Variants in PANX1 observed in about 807,000 individuals in gnomAD.
The protein encoded by PANX1 is pannexin-1.
In PANX1, 30 loss-of-function variants were observed where a neutral mutation model predicts 38.7. That is an observed-to-expected ratio of 0.78 (90% CI 0.58 to 1.05). PANX1 has a LOEUF of 1.05. Ranked by LOEUF, PANX1 falls within the 50% of genes least tolerant of loss-of-function variation. The pLI, the probability that PANX1 is intolerant of heterozygous loss-of-function variation, is 0.00. For synonymous variants in PANX1, 230 were observed against 212.2 expected (o/e 1.08, Z -0.73); for missense variants, 551 against 517.2 (o/e 1.07, Z -0.63).
At chr11:94,170,537 T>C (rs555433958) in intron 2 of PANX1, among the ~76,000 whole-genome samples, 6 of 151,816 alleles carry the variant, frequency 4.0e-5, no homozygotes, top group Non-Finnish European at 8.8e-5. Flanking sequence ...GTCCTCACTT[T>C]GTTTCTTTTG....
At chr11:94,132,316 A>G (rs1946639319) in intron 1 of PANX1, among the ~76,000 whole-genome samples, 1 of 152,220 alleles carries the variant, frequency 6.6e-6, no homozygotes, top group South Asian at 2.1e-4. Flanking sequence ...GAACCTGGGC[A>G]GTGTCAGAAG....
intron 1 of PANX1, 78 bp from the exon 2 acceptor site, chr11:94,153,413 A>C: frequency 6.6e-7 from 1 of 1,519,048 alleles, no homozygotes; most frequent in Admixed American, 1.8e-5. Context: ...ACTTAGACAA[A>C]ACTAAAAACA....
At chr11:94,129,697 C>T (rs1946603626) in intron 1 of PANX1, among the ~76,000 whole-genome samples, 1 of 152,228 alleles carries the variant, frequency 6.6e-6, no homozygotes, top group South Asian at 2.1e-4. Flanking sequence ...GCTCGCATCC[C>T]TACTCCTCAG....
intron 1 of PANX1, among the ~76,000 whole-genome samples, chr11:94,132,602 T>G (rs1321008882): frequency 2.0e-5 from 3 of 151,468 alleles, no homozygotes; most frequent in African/African-American, 7.3e-5. Context: ...GTTGGGGGGG[T>G]GGTGTGTGTG....
At chr11:94,157,120 T>A (rs1946959399) in intron 2 of PANX1, among the ~76,000 whole-genome samples, 1 of 152,180 alleles carries the variant, frequency 6.6e-6, no homozygotes, top group South Asian at 2.1e-4. Flanking sequence ...CTTAATCCAG[T>A]CTATCATTGT....
At chr11:94,133,192 C>T (rs753233023) in intron 1 of PANX1, among the ~76,000 whole-genome samples, 7 of 152,208 alleles carry the variant, frequency 4.6e-5, no homozygotes, top group Non-Finnish European at 5.9e-5. Context: ...GGCCCCTTCC[C>T]TCCCACAGCA....
Position 94,179,674 on chromosome 11 carries a change from T to G in PANX1, c.618T>G (p.Ser206=). The G allele has an allele frequency of 1.2e-6, 2 of 1,613,606 alleles. No homozygotes were observed. Among genetic ancestry groups the G allele is most frequent in the East Asian group, 2.2e-5 (1 of 44,882 alleles). The change falls in exon 4 of 5, where the codon TCT becomes TCG. Residue 206 remains serine, a synonymous_variant. Transcript: ENST00000227638. The stretch of plus-strand genomic sequence containing the variant: ...AGTACTTGAAGACAAAGAAAAATTC[T>G]AATAATTTAATCATCAAGTACATTA... ...VEQYLKTKKN[S]NNLIIKYISC...
At chr11:94,176,438 A>G (rs947628463) in intron 2 of PANX1, among the ~76,000 whole-genome samples, 6 of 151,680 alleles carry the variant, frequency 4.0e-5, no homozygotes, top group African/African-American at 1.5e-4. Flanking sequence ...GGGAAAAACT[A>G]CTACTGTACT....
chr11:94,161,206 G>T (rs1947027659), intron 2 of PANX1, among the ~76,000 whole-genome samples: 3 of 152,074 alleles, frequency 2.0e-5, no homozygotes. Flanking sequence ...ATGTGTCTTG[G>T]AGTTGCTCTT....
At chr11:94,175,018 C>T (rs879793447) in intron 2 of PANX1, among the ~76,000 whole-genome samples, 2 of 151,662 alleles carry the variant, frequency 1.3e-5, no homozygotes, top group South Asian at 2.1e-4. Context: ...AATACTCACT[C>T]GAACATCATG....
chr11:94,159,213 T>C (rs1051169010), intron 2 of PANX1, among the ~76,000 whole-genome samples: 2 of 149,674 alleles, frequency 1.3e-5, no homozygotes, highest in African/African-American at 4.9e-5. Flanking sequence ...AAGTTCTTTT[T>C]TTTTGTTGTT....
At chr11:94,155,680 C>G (rs1479004646) in intron 2 of PANX1, among the ~76,000 whole-genome samples, 3 of 152,124 alleles carry the variant, frequency 2.0e-5, no homozygotes, top group Non-Finnish European at 4.4e-5. Flanking sequence ...GTTGTTCATG[C>G]TGTATCAGGA....
At chr11:94,164,802 G>T (rs1799598162) in intron 2 of PANX1, among the ~76,000 whole-genome samples, 1 of 151,882 alleles carries the variant, frequency 6.6e-6, no homozygotes, top group Admixed American at 6.6e-5. Context: ...TATTATATTG[G>T]GCTTTATCCC....
chr11:94,156,604 G>A (rs531505680), intron 2 of PANX1, among the ~76,000 whole-genome samples: 6 of 152,074 alleles, frequency 3.9e-5, no homozygotes, highest in Non-Finnish European at 7.4e-5. Flanking sequence ...CAGAGATCGG[G>A]GATTACGAGT....
intron 2 of PANX1, among the ~76,000 whole-genome samples, chr11:94,162,871 CT>C (rs59182320): frequency 2.7e-3 from 292 of 107,432 alleles, no homozygotes; most frequent in Non-Finnish European, 3.9e-3. Flanking sequence ...ACCAACCTCT[CT>C]TTTTTTTTTT....
At chr11:94,176,397 A>T (rs1320936166) in intron 2 of PANX1, among the ~76,000 whole-genome samples, 1 of 151,676 alleles carries the variant, frequency 6.6e-6, no homozygotes, top group Non-Finnish European at 1.5e-5. Flanking sequence ...AGTACCCTGG[A>T]TTGGATCTTG....
intron 1 of PANX1, among the ~76,000 whole-genome samples, chr11:94,145,600 T>C (rs1946819816): frequency 6.6e-6 from 1 of 152,256 alleles, no homozygotes; most frequent in Non-Finnish European, 1.5e-5. Flanking sequence ...AGACATGTGC[T>C]GTGACTGTAT....
At chr11:94,157,198 G>A (rs1946961109) in intron 2 of PANX1, among the ~76,000 whole-genome samples, 1 of 152,090 alleles carries the variant, frequency 6.6e-6, no homozygotes, top group Non-Finnish European at 1.5e-5. Context: ...ACATGTACAT[G>A]TGTCTTTATA....
intron 2 of PANX1, among the ~76,000 whole-genome samples, chr11:94,170,734 CCTT>C (rs1947156093): frequency 6.6e-6 from 1 of 151,726 alleles, no homozygotes; most frequent in Admixed American, 6.6e-5. Flanking sequence ...GAGCCCACAT[CCTT>C]CTTCAGATTT....
Sources: gnomAD v4.1 joint callset for allele counts (sites outside exome capture counted in the v4.1 genomes callset) on GRCh38, gnomAD v4.1.1 for gene constraint, MANE v1.5 for transcripts, NCBI Gene and HGNC (gene_info 2026-07-23, HGNC 2026-07-21) for gene names.